AP3B1: variants seen among roughly 807,000 people sequenced by gnomAD.
The protein encoded by AP3B1 is adaptor related protein complex 3 subunit beta 1.
In AP3B1, 61 loss-of-function variants were observed where a neutral mutation model predicts 132.5. The ratio of observed to expected loss-of-function variants is 0.46; its 90% CI spans 0.37 to 0.57. The LOEUF (loss-of-function observed/expected upper bound fraction) is 0.57, where lower values mean the gene tolerates loss of function less well. Ranked by LOEUF, AP3B1 falls within the 20% of genes least tolerant of loss-of-function variation. The pLI is 0.00. For synonymous variants in AP3B1, 388 were observed against 438.3 expected (o/e 0.89, Z 1.43); for missense variants, 1,120 against 1,289.4 (o/e 0.87, Z 2.01).
At chr5:78,061,636 C>T (rs1749059835) in intron 22 of AP3B1, among the ~76,000 whole-genome samples, 1 of 152,178 alleles carries the variant, frequency 6.6e-6, no homozygotes, top group South Asian at 2.1e-4. Context: ...ATTTCAAACT[C>T]ATATTTAGGA....
intron 1 of AP3B1, among the ~76,000 whole-genome samples, chr5:78,290,245 G>GT (rs1749455067): frequency 6.6e-6 from 1 of 152,040 alleles, no homozygotes; most frequent in South Asian, 2.1e-4. Context: ...AGTGTTTTTT[G>GT]TTTTTTCTTC....
At chr5:78,123,120 G>A (rs1304490407) in intron 17 of AP3B1, among the ~76,000 whole-genome samples, 2 of 152,332 alleles carry the variant, frequency 1.3e-5, no homozygotes, top group Middle Eastern at 6.8e-3. Context: ...TTAATAAATG[G>A]TGCTGGGAAA....
intron 22 of AP3B1, among the ~76,000 whole-genome samples, chr5:78,068,987 T>C (rs1276274357): frequency 2.6e-5 from 4 of 152,076 alleles, no homozygotes; most frequent in Admixed American, 1.3e-4. Context: ...ATCACATAAA[T>C]AGAACTAAAG....
chr5:78,162,461 A>G (rs1441712149), intron 13 of AP3B1, among the ~76,000 whole-genome samples: 1 of 152,130 alleles, frequency 6.6e-6, no homozygotes, highest in Non-Finnish European at 1.5e-5. Context: ...TGCTTTTAGC[A>G]CCCTCTGCAG....
At chr5:78,160,131 C>A (rs1743330643) in intron 13 of AP3B1, among the ~76,000 whole-genome samples, 1 of 152,100 alleles carries the variant, frequency 6.6e-6, no homozygotes, top group Non-Finnish European at 1.5e-5. Context: ...ATATTACTAT[C>A]TCCCTCCAAT....
At chr5:78,162,640 A>G (rs919893682) in intron 13 of AP3B1, among the ~76,000 whole-genome samples, 179 bp downstream of exon 13, 2 of 152,210 alleles carry the variant, frequency 1.3e-5, no homozygotes, top group African/African-American at 4.8e-5. Context: ...TAAAAAAAAA[A>G]GAACCCAGAA....
intron 12 of AP3B1, among the ~76,000 whole-genome samples, chr5:78,164,188 T>C (rs960874054): frequency 1.3e-5 from 2 of 152,076 alleles, no homozygotes; most frequent in African/African-American, 4.8e-5. Flanking sequence ...TTTAGAAACA[T>C]TCCCTATTTT....
intron 20 of AP3B1, among the ~76,000 whole-genome samples, chr5:78,104,976 T>C (rs1470333437): frequency 6.6e-6 from 1 of 152,188 alleles, no homozygotes; most frequent in Non-Finnish European, 1.5e-5. Flanking sequence ...TGTACCTTAA[T>C]CTTAGTTTTA....
intron 1 of AP3B1, among the ~76,000 whole-genome samples, chr5:78,271,943 T>C (rs1349005783): frequency 1.3e-5 from 2 of 152,244 alleles, no homozygotes; most frequent in African/African-American, 4.8e-5. Context: ...AAAGGATCTC[T>C]ACAGAGTTTC....
intron 22 of AP3B1, among the ~76,000 whole-genome samples, chr5:78,084,642 T>G (rs1473280080): frequency 6.6e-6 from 1 of 151,846 alleles, no homozygotes; most frequent in East Asian, 1.9e-4. Context: ...GTGCTTTCCA[T>G]TTCTATTTTA....
At chr5:78,053,697 A>AGAAAG (rs10660599) in intron 22 of AP3B1, among the ~76,000 whole-genome samples, 4,049 of 142,624 alleles carry the variant, frequency 0.028, 174 homozygotes, top group East Asian at 0.13. Context: ...AAAAAAAAAA[A>AGAAAG]GAAAGAAAAG....
chr5:78,123,839 C>G (rs35875695), intron 17 of AP3B1, among the ~76,000 whole-genome samples: 25,975 of 152,010 alleles, frequency 0.17, 2,831 homozygotes, highest in Admixed American at 0.28. Context: ...CCAGCCATCC[C>G]ATTACTGGGT....
At chr5:78,187,383 C>A (rs1311289425) in intron 7 of AP3B1, among the ~76,000 whole-genome samples, 1 of 152,104 alleles carries the variant, frequency 6.6e-6, no homozygotes, top group Non-Finnish European at 1.5e-5. Flanking sequence ...ACAAAATCAT[C>A]AAAATGTACA....
chr5:78,281,947 T>C (rs1749076591), intron 1 of AP3B1, among the ~76,000 whole-genome samples: 1 of 152,090 alleles, frequency 6.6e-6, no homozygotes, highest in African/African-American at 2.4e-5. Context: ...TCAGGTGTAT[T>C]TTACCATAAT....
At chr5:78,074,943 A>T (rs1749700333) in intron 22 of AP3B1, among the ~76,000 whole-genome samples, 1 of 152,218 alleles carries the variant, frequency 6.6e-6, no homozygotes, top group African/African-American at 2.4e-5. Flanking sequence ...CAAAAAAAAA[A>T]GATGATTCTT....
intron 2 of AP3B1, among the ~76,000 whole-genome samples, chr5:78,255,189 A>G (rs1747800802): frequency 6.6e-6 from 1 of 152,104 alleles, no homozygotes; most frequent in Admixed American, 6.6e-5. Flanking sequence ...AAGGAAGAGA[A>G]AACCATAAAA....
intron 12 of AP3B1, among the ~76,000 whole-genome samples, chr5:78,164,333 C>T (rs1322979539): frequency 2.0e-5 from 3 of 152,062 alleles, no homozygotes; most frequent in Admixed American, 6.5e-5. Context: ...CCTTATTAAA[C>T]ATCCTGATAT....
intron 22 of AP3B1, among the ~76,000 whole-genome samples, chr5:78,079,801 A>C (rs409012): frequency 0.17 from 26,143 of 152,172 alleles, 2,855 homozygotes; most frequent in Admixed American, 0.28. Flanking sequence ...AAACTTTAAA[A>C]ATCTGAATGA....
At position 78,228,177 on chromosome 5, in the gene AP3B1, G is replaced by A; in HGVS notation, c.342C>T (p.Leu114=). The A allele has an allele frequency of 1.2e-6, 2 of 1,610,808 alleles. No individual in the cohort carries two copies. Among genetic ancestry groups the A allele is most frequent in the South Asian group, 2.2e-5 (2 of 90,506 alleles). Residue 114 remains leucine, a synonymous_variant, in exon 4 of 27, where the codon CTC becomes CTT. Transcript: ENST00000255194. Reference sequence around the variant, plus strand: ...CTCGCTGAAAAGTGCTTATGGACAGGAGTGCAAGATCCTGCTGTTCTTCAG... The same window carrying A: ...CTCGCTGAAAAGTGCTTATGGACAGAAGTGCAAGATCCTGCTGTTCTTCAG... ...RYAEEQQDLA[L]LSISTFQRAL...
Sources: gnomAD v4.1 joint callset for allele counts (sites outside exome capture counted in the v4.1 genomes callset) on GRCh38, gnomAD v4.1.1 for gene constraint, MANE v1.5 for transcripts, NCBI Gene and HGNC (gene_info 2026-07-23, HGNC 2026-07-21) for gene names.